Variants in CADPS observed in about 807,000 individuals in gnomAD.
CADPS encodes calcium-dependent secretion activator 1.
CADPS carries 57 observed loss-of-function variants against 167.3 expected under a neutral mutation model. The observed-to-expected ratio is 0.34, with a 90% CI of 0.28 to 0.42. CADPS has a LOEUF of 0.42. Ranked by LOEUF, CADPS falls within the 20% of genes least tolerant of loss-of-function variation. The probability of loss-of-function intolerance (pLI) is 1.00; values close to 1 mark genes in which losing one functional copy is unlikely to be tolerated. For synonymous variants in CADPS, 676 were observed against 635.3 expected (o/e 1.06, Z -0.96); for missense variants, 1,414 against 1,738.1 (o/e 0.81, Z 3.32).
At chr3:62,762,287 C>A (rs115348801) in intron 2 of CADPS, among the ~76,000 whole-genome samples, 1 of 151,966 alleles carries the variant, frequency 6.6e-6, no homozygotes, top group East Asian at 1.9e-4. Flanking sequence ...TAAATAAAAC[C>A]AATATAGTAT....
At position 62,652,001 on chromosome 3, in the gene CADPS, A is replaced by G. The variant is rs559110365; in HGVS notation, c.970-921T>C. 2.4e-4 allele frequency among the ~76,000 whole-genome samples: 36 copies of G among 152,274 alleles called. No homozygotes were observed. The East Asian group carries it at 6.2e-3, about 26-fold the overall frequency. On this transcript the variant is annotated intron_variant, in intron 4 of 29. Transcript: ENST00000383710. ...CCCAGCTTCAGGAAAGGCTGGAATC[A>G]GGGCTCAGGTGATATCACCACAACT...
At position 62,820,991 on chromosome 3, in the gene CADPS, G is replaced by T. The variant is rs558913435; in HGVS notation, c.441+53598C>A. 6.6e-5 allele frequency among the ~76,000 whole-genome samples: 10 copies of T among 151,968 alleles called. No homozygotes were observed. The South Asian group carries it at 1.7e-3, about 25-fold the overall frequency. ...AATTTTTGTATTTTTAGTACAGATG[G>T]GGTTTCACCATGTTGGCCAGGCTAA... On this transcript the variant is annotated intron_variant, in intron 1 of 29. Transcript: ENST00000383710.
chr3:62,693,085 C>T (rs1016352460), intron 3 of CADPS, among the ~76,000 whole-genome samples: 1 of 152,000 alleles, frequency 6.6e-6, no homozygotes, highest in Non-Finnish European at 1.5e-5. Flanking sequence ...ATTTCTCGTC[C>T]CTCTCTCAGG....
At chr3:62,766,943 GT>G (rs2087044001) in intron 1 of CADPS, among the ~76,000 whole-genome samples, 1 of 152,060 alleles carries the variant, frequency 6.6e-6, no homozygotes, top group Admixed American at 6.5e-5. Flanking sequence ...ATTCATCGAA[GT>G]TTTCCCAGGG....
At chr3:62,577,885 G>C (rs1182529264) in intron 8 of CADPS, among the ~76,000 whole-genome samples, 5 of 152,104 alleles carry the variant, frequency 3.3e-5, no homozygotes, top group Non-Finnish European at 2.9e-5. Flanking sequence ...AGACAAAGTA[G>C]AATCACAAAG....
Position 62,645,820 on chromosome 3 carries a change from G to A in CADPS, c.1227C>T (p.Gly409=), listed in dbSNP as rs1331803706. The A allele has an allele frequency of 2.4e-5, 38 of 1,613,930 alleles. No individual in the cohort carries two copies. The highest frequency in any genetic ancestry group is 3.2e-5 in the Non-Finnish European group (38 of 1,179,946). The change falls in exon 6 of 30, where the codon GGC becomes GGT. Residue 409 remains glycine, a synonymous_variant. Transcript: ENST00000383710. ...SLEVVIMEVQ[G]LKSLAPNRIV... The stretch of plus-strand genomic sequence containing the variant: ...TGCGATTTGGAGCCAAAGATTTGAG[G>A]CCTTGGACTTCCATAATTACCACCT...
intron 13 of CADPS, among the ~76,000 whole-genome samples, chr3:62,520,544 T>C (rs1380913959): frequency 6.6e-6 from 1 of 152,218 alleles, no homozygotes; most frequent in Non-Finnish European, 1.5e-5. Context: ...CTCTTAAATT[T>C]GCTTCTTGAT....
chr3:62,710,431 A>G (rs1038023061), intron 3 of CADPS, among the ~76,000 whole-genome samples: 1 of 152,148 alleles, frequency 6.6e-6, no homozygotes, highest in East Asian at 1.9e-4. Flanking sequence ...AAACCTTGGG[A>G]AAGTTACCGA....
chr3:62,461,873 G>T (rs1560692524), intron 26 of CADPS, among the ~76,000 whole-genome samples: 1 of 152,186 alleles, frequency 6.6e-6, no homozygotes, highest in Non-Finnish European at 1.5e-5. Context: ...AAAGGGCCGA[G>T]AACACACCTT....
chr3:62,511,179 A>G (rs921279529), intron 17 of CADPS, among the ~76,000 whole-genome samples: 3 of 152,160 alleles, frequency 2.0e-5, no homozygotes, highest in African/African-American at 7.2e-5. Context: ...TTTTCAAGTT[A>G]AGAAATTTTG....
chr3:62,578,234 G>A (rs1309228045), intron 8 of CADPS, among the ~76,000 whole-genome samples: 2 of 146,752 alleles, frequency 1.4e-5, no homozygotes, highest in Non-Finnish European at 3.0e-5. Context: ...CTATATCACT[G>A]TCACACAAAG....
At chr3:62,733,680 A>T (rs746483982) in intron 3 of CADPS, among the ~76,000 whole-genome samples, 14 of 151,920 alleles carry the variant, frequency 9.2e-5, no homozygotes, top group South Asian at 2.1e-4. Context: ...ATGAGGCAAA[A>T]TTTTTTTAAT....
intron 28 of CADPS, among the ~76,000 whole-genome samples, chr3:62,432,193 A>G (rs1033775387): frequency 6.6e-6 from 1 of 152,144 alleles, no homozygotes; most frequent in Non-Finnish European, 1.5e-5. Flanking sequence ...GATGATGATG[A>G]TAAGAGACTC....
chr3:62,745,897 G>C (rs752525176), intron 3 of CADPS, among the ~76,000 whole-genome samples: 2 of 152,176 alleles, frequency 1.3e-5, no homozygotes, highest in Non-Finnish European at 2.9e-5. Context: ...ATGAAATCTA[G>C]AAGAAGAGAT....
chr3:62,745,389 T>A (rs1312478842), intron 3 of CADPS, among the ~76,000 whole-genome samples: 1 of 152,184 alleles, frequency 6.6e-6, no homozygotes, highest in Non-Finnish European at 1.5e-5. Context: ...TATGTATTGA[T>A]GTATTTTCAC....
At chr3:62,533,498 G>T (rs1176855621) in intron 12 of CADPS, among the ~76,000 whole-genome samples, 1 of 152,138 alleles carries the variant, frequency 6.6e-6, no homozygotes, top group East Asian at 1.9e-4. Context: ...ACTTAACAGA[G>T]AACTTTCAGT....
At chr3:62,855,265 G>A (rs1265653807) in intron 1 of CADPS, among the ~76,000 whole-genome samples, 1 of 151,616 alleles carries the variant, frequency 6.6e-6, no homozygotes, top group Admixed American at 6.6e-5. Flanking sequence ...TATTTAGAAT[G>A]AGCTCTATTC....
intron 3 of CADPS, among the ~76,000 whole-genome samples, chr3:62,695,823 G>C (rs1361895948): frequency 6.6e-6 from 1 of 151,958 alleles, no homozygotes; most frequent in Non-Finnish European, 1.5e-5. Flanking sequence ...ATGAGCCACT[G>C]TGACTATAGG....
chr3:62,622,114 C>A (rs1203184916), intron 6 of CADPS, among the ~76,000 whole-genome samples: 1 of 152,088 alleles, frequency 6.6e-6, no homozygotes, highest in Non-Finnish European at 1.5e-5. Context: ...AGCTGCCTTT[C>A]ACTGGTTTCC....
Sources: gnomAD v4.1 joint callset for allele counts (sites outside exome capture counted in the v4.1 genomes callset) on GRCh38, gnomAD v4.1.1 for gene constraint, MANE v1.5 for transcripts, NCBI Gene and HGNC (gene_info 2026-07-23, HGNC 2026-07-21) for gene names.